The following NAV2 variants were observed in gnomAD, a reference collection of about 807,000 sequenced individuals.
NAV2 encodes helicase, APC down-regulated 1.
NAV2 carries 54 observed loss-of-function variants against 223.2 expected under a neutral mutation model. That is an observed-to-expected ratio of 0.24 (90% CI 0.19 to 0.30). The LOEUF (loss-of-function observed/expected upper bound fraction) is 0.30, where lower values mean the gene tolerates loss of function less well. Among genes scored for constraint, NAV2 ranks in the 10% least tolerant of loss-of-function variants. The probability of loss-of-function intolerance (pLI) is 1.00; values close to 1 mark genes in which losing one functional copy is unlikely to be tolerated. For missense variants in NAV2, 2,806 were observed against 3,147.5 expected, an observed-to-expected ratio of 0.89 and a Z score of 2.60; for synonymous variants, 1,279 against 1,239.3, an observed-to-expected ratio of 1.03 and a Z score of -0.67.
chr11:19,651,432 G>A (rs2047965281), intron 1 of NAV2, among the ~76,000 whole-genome samples: 1 of 152,224 alleles, frequency 6.6e-6, no homozygotes, highest in Non-Finnish European at 1.5e-5. Context: ...AACATATAAT[G>A]TGCCATGTCT....
chr11:20,058,140 T>C (rs2058479834), intron 19 of NAV2, among the ~76,000 whole-genome samples: 1 of 152,254 alleles, frequency 6.6e-6, no homozygotes, highest in Non-Finnish European at 1.5e-5. Context: ...AATTCCTTTT[T>C]TTGAATTTAT....
At chr11:19,794,808 C>G (rs1383304143) in intron 1 of NAV2, among the ~76,000 whole-genome samples, 1 of 152,158 alleles carries the variant, frequency 6.6e-6, no homozygotes, top group African/African-American at 2.4e-5. Flanking sequence ...AAACTTACCT[C>G]TGCAGCCATG....
Position 20,121,310 on chromosome 11 carries a change from A to T in NAV2, c.*3052A>T, listed in dbSNP as rs1004741196. On this transcript the variant is annotated 3_prime_UTR_variant, in exon 38 of 38. Coordinates refer to ENST00000349880, the MANE Select transcript of NAV2 (RefSeq NM_145117.5). ...TACATTTTTTCATTGTAACATAGAAATTGTAAATAATTGATTAAAGTGCTG... is the reference window on the plus strand; with the variant it reads ...TACATTTTTTCATTGTAACATAGAATTTGTAAATAATTGATTAAAGTGCTG... The T allele has an allele frequency of 3.9e-5, 6 of 152,672 alleles. No individual in the cohort carries two copies. Among genetic ancestry groups the T allele is most frequent in the African/African-American group, 1.4e-4 (6 of 41,454 alleles). 9.5% of individuals were successfully genotyped at this position (152,672 alleles called of 1,614,324 possible).
At chr11:19,445,205 T>G (rs2632014) in intron 1 of NAV2, among the ~76,000 whole-genome samples, 138,075 of 152,038 alleles carry the variant, frequency 0.91, 62,782 homozygotes, top group Middle Eastern at 0.94. Context: ...AAATAAGGAA[T>G]GTGGTCCTGA....
At chr11:20,054,361 T>A in intron 18 of NAV2, 121 bp downstream of exon 18, 2 of 943,634 alleles carry the variant, frequency 2.1e-6, no homozygotes, top group Non-Finnish European at 1.5e-6. Flanking sequence ...GTTACATGGG[T>A]AAGTTCTTTA....
rs374855268 is a variant in NAV2 at position 20,078,485 on chromosome 11, C to G, written c.5179+381C>G. On this transcript the variant is annotated intron_variant, in intron 24 of 37. Transcript: ENST00000349880. ...AAGATTTCTTTTTTTTTCTGAGACA[C>G]TCTTGCTCTGTCACCCAGGTTGAAG... 7.4e-4 allele frequency among the ~76,000 whole-genome samples: 112 copies of G among 152,236 alleles called. 2 individuals are homozygous for G. The South Asian group carries it at 0.023, about 31-fold the overall frequency.
chr11:19,917,668 A>G (rs4757860), intron 6 of NAV2, among the ~76,000 whole-genome samples: 81,283 of 152,016 alleles, frequency 0.53, 22,318 homozygotes, highest in Admixed American at 0.68. Flanking sequence ...GCTGGAGTGC[A>G]GTGGCACGAT....
At chr11:19,964,429 C>T (rs955722634) in intron 10 of NAV2, among the ~76,000 whole-genome samples, 3 of 151,868 alleles carry the variant, frequency 2.0e-5, no homozygotes, top group Admixed American at 6.6e-5. Context: ...GACTAGCTAC[C>T]GTTTATTGAA....
intron 1 of NAV2, among the ~76,000 whole-genome samples, chr11:19,605,354 C>T (rs2046448436): frequency 6.6e-6 from 1 of 152,086 alleles, no homozygotes; most frequent in African/African-American, 2.4e-5. Context: ...AAGATCCTCT[C>T]CCAAGGAGAG....
chr11:19,643,954 A>G (rs570327671), intron 1 of NAV2, among the ~76,000 whole-genome samples: 2 of 152,374 alleles, frequency 1.3e-5, no homozygotes, highest in Admixed American at 1.3e-4. Flanking sequence ...GAGCACGTAC[A>G]TACCAGGAAC....
intron 6 of NAV2, among the ~76,000 whole-genome samples, chr11:19,925,105 G>A (rs1346185875): frequency 6.6e-6 from 1 of 152,070 alleles, no homozygotes; most frequent in Non-Finnish European, 1.5e-5. Context: ...GAATATTCAA[G>A]TTTTTTGCCC....
At chr11:19,706,399 A>T (rs935263286) in intron 1 of NAV2, among the ~76,000 whole-genome samples, 18 of 152,204 alleles carry the variant, frequency 1.2e-4, no homozygotes, top group Non-Finnish European at 1.9e-4. Flanking sequence ...GTTTTTTGTT[A>T]CAAAATTAAA....
intron 4 of NAV2, among the ~76,000 whole-genome samples, chr11:19,869,991 G>GT (rs1741850408): frequency 6.6e-6 from 1 of 152,194 alleles, no homozygotes; most frequent in African/African-American, 2.4e-5. Flanking sequence ...CCTGGTATTG[G>GT]GGGTGGGTGG....
At chr11:19,474,480 A>G (rs1382101891) in intron 1 of NAV2, among the ~76,000 whole-genome samples, 1 of 152,214 alleles carries the variant, frequency 6.6e-6, no homozygotes. Flanking sequence ...GCCATAGAAA[A>G]TGTATGGTTT....
chr11:20,028,831 G>C (rs2055378289), intron 11 of NAV2, among the ~76,000 whole-genome samples: 1 of 152,166 alleles, frequency 6.6e-6, no homozygotes, highest in Admixed American at 6.5e-5. Flanking sequence ...TGGATAAATA[G>C]CATGGTCTGG....
chr11:19,584,207 G>T (rs190831569), intron 1 of NAV2, among the ~76,000 whole-genome samples: 2 of 152,256 alleles, frequency 1.3e-5, no homozygotes, highest in African/African-American at 4.8e-5. Context: ...TTGTATTTCT[G>T]TGGGATCGGT....
intron 1 of NAV2, among the ~76,000 whole-genome samples, chr11:19,668,054 C>T (rs1329853409): frequency 6.6e-6 from 1 of 152,164 alleles, no homozygotes; most frequent in Non-Finnish European, 1.5e-5. Flanking sequence ...CCTATTCTCT[C>T]CCTCTATTCC....
chr11:19,809,800 T>C (rs914613144), intron 1 of NAV2, among the ~76,000 whole-genome samples: 31 of 152,016 alleles, frequency 2.0e-4, no homozygotes, highest in Middle Eastern at 3.4e-3. Context: ...TGCCCCCCAA[T>C]TGGGATTTGT....
chr11:19,856,834 T>G (rs574214849), intron 3 of NAV2, among the ~76,000 whole-genome samples: 1 of 152,356 alleles, frequency 6.6e-6, no homozygotes, highest in African/African-American at 2.4e-5. Context: ...TGCTTGGCTT[T>G]GTTTCCTGCT....
Sources: gnomAD v4.1 joint callset for allele counts (sites outside exome capture counted in the v4.1 genomes callset) on GRCh38, gnomAD v4.1.1 for gene constraint, MANE v1.5 for transcripts, NCBI Gene and HGNC (gene_info 2026-07-23, HGNC 2026-07-21) for gene names.